BRD10: variants seen among roughly 807,000 people sequenced by gnomAD.
BRD10 encodes the protein bromodomain containing 10.
At chr9:5,939,918 T>A in the BRD10 span, among the ~76,000 whole-genome samples, 1 of 152,176 alleles carries the variant, frequency 6.6e-6, no homozygotes, top group African/African-American at 2.4e-5. Flanking sequence ...TCATTCCTGA[T>A]TGATAACCAC....
the BRD10 span, among the ~76,000 whole-genome samples, chr9:5,992,714 C>T: frequency 4.8e-4 from 20 of 41,944 alleles, 1 homozygote; most frequent in Admixed American, 4.3e-3. Context: ...TTCTTTCTCC[C>T]CCTTTTTTTT....
At chr9:5,967,086 C>T in the BRD10 span, among the ~76,000 whole-genome samples, 1 of 152,244 alleles carries the variant, frequency 6.6e-6, no homozygotes, top group South Asian at 2.1e-4. Context: ...CAATTCATTA[C>T]CAAATTTTTG....
At chr9:5,931,173 T>G in the BRD10 span, among the ~76,000 whole-genome samples, 1 of 152,184 alleles carries the variant, frequency 6.6e-6, no homozygotes, top group African/African-American at 2.4e-5. Context: ...AGAGTTACTC[T>G]GGGCAGTATG....
At chr9:5,927,879 C>A in the BRD10 span, among the ~76,000 whole-genome samples, 2 of 151,754 alleles carry the variant, frequency 1.3e-5, no homozygotes, top group African/African-American at 4.8e-5. Flanking sequence ...TTTCTACCAG[C>A]CTTATGTCTT....
At chr9:5,971,257 G>A in the BRD10 span, among the ~76,000 whole-genome samples, 3 of 152,016 alleles carry the variant, frequency 2.0e-5, no homozygotes, top group Middle Eastern at 3.2e-3. Flanking sequence ...AAGACAGATA[G>A]TAGTAACAAG....
At chr9:5,993,548 A>T in the BRD10 span, among the ~76,000 whole-genome samples, 1 of 152,154 alleles carries the variant, frequency 6.6e-6, no homozygotes, top group African/African-American at 2.4e-5. Context: ...CACAGCAGAG[A>T]ACTATTTTAC....
chr9:5,945,532 C>G, the BRD10 span, among the ~76,000 whole-genome samples: 1 of 152,110 alleles, frequency 6.6e-6, no homozygotes, highest in Non-Finnish European at 1.5e-5. Flanking sequence ...TTTAATAAAA[C>G]CATCTCCACA....
At chr9:6,007,675 G>A in the BRD10 span, 3 of 1,608,648 alleles carry the variant, frequency 1.9e-6, no homozygotes, top group South Asian at 1.1e-5. Flanking sequence ...CGGCCCTGAG[G>A]TCTGGGCCGC....
the BRD10 span, among the ~76,000 whole-genome samples, chr9:5,939,584 T>A: frequency 2.6e-5 from 4 of 152,236 alleles, no homozygotes; most frequent in African/African-American, 9.6e-5. Flanking sequence ...GAATTCTCTC[T>A]ATGATGGGAT....
chr9:5,908,555 A>G, the BRD10 span: 1 of 1,174,852 alleles, frequency 8.5e-7, no homozygotes, highest in Admixed American at 1.9e-5. Flanking sequence ...GAAAGTATAA[A>G]TATGTTAACT....
chr9:5,919,666 G>A, the BRD10 span: 1 of 1,570,460 alleles, frequency 6.4e-7, no homozygotes, highest in Non-Finnish European at 8.6e-7. Context: ...TTTAAAAACT[G>A]GCTCTTTTAG....
At chr9:5,914,579 A>G in the BRD10 span, among the ~76,000 whole-genome samples, 1 of 151,156 alleles carries the variant, frequency 6.6e-6, no homozygotes, top group Non-Finnish European at 1.5e-5. Flanking sequence ...ACCCACCACC[A>G]CGCTCGGCTA....
At chr9:5,914,409 GGTTTTTTTTTTTTT>G in the BRD10 span, among the ~76,000 whole-genome samples, 9 of 106,924 alleles carry the variant, frequency 8.4e-5, no homozygotes, top group Non-Finnish European at 1.1e-4. Flanking sequence ...AAATCCAGAT[GGTTTTTTTTTTTTT>G]TTTTTTTTTT....
chr9:5,897,485 C>G, the BRD10 span: 1 of 1,381,194 alleles, frequency 7.2e-7, no homozygotes, highest in Non-Finnish European at 1.0e-6. Flanking sequence ...AAGAGGAAGA[C>G]TGATTTATGC....
chr9:5,910,729 A>G, the BRD10 span: 1 of 152,258 alleles, frequency 6.6e-6, no homozygotes, highest in Non-Finnish European at 1.5e-5. Context: ...AAATTAGAAA[A>G]GTGAGATATT....
the BRD10 span, among the ~76,000 whole-genome samples, chr9:5,901,588 A>T: frequency 6.6e-6 from 1 of 151,908 alleles, no homozygotes; most frequent in South Asian, 2.1e-4. Context: ...GCTCAATCTC[A>T]GCTTACTGTA....
chr9:5,894,376 G>T, the BRD10 span, among the ~76,000 whole-genome samples: 1 of 152,282 alleles, frequency 6.6e-6, no homozygotes, highest in African/African-American at 2.4e-5. The surrounding 1 kb of genome is among the most constrained non-coding windows in gnomAD (Gnocchi z 4.0). Context: ...AGGAGGCAAA[G>T]AAGGCATCGG....
At chr9:5,957,303 G>C in the BRD10 span, among the ~76,000 whole-genome samples, 872 of 152,224 alleles carry the variant, frequency 5.7e-3, 8 homozygotes, top group African/African-American at 0.02. Context: ...ACCACAGTCA[G>C]GGATTCTAAC....
chr9:5,966,339 G>A, the BRD10 span, among the ~76,000 whole-genome samples: 1 of 150,898 alleles, frequency 6.6e-6, no homozygotes, highest in Non-Finnish European at 1.5e-5. Context: ...GAACAGAAGT[G>A]TAATAAACAA....
Sources: allele counts gnomAD v4.1 joint callset (sites outside exome capture counted in the v4.1 genomes callset), GRCh38; gene constraint gnomAD v4.1.1; non-coding constraint Gnocchi (gnomAD v3.1); transcripts MANE v1.5; gene names NCBI Gene and HGNC (gene_info 2026-07-23, HGNC 2026-07-21).